The following PREX1 variants were observed in gnomAD, a reference collection of about 807,000 sequenced individuals.
PREX1 encodes the protein phosphatidylinositol-3,4,5-trisphosphate dependent Rac exchange factor 1.
Under a neutral mutation model 198.3 loss-of-function variants are expected in PREX1, and 41 were observed. That is an observed-to-expected ratio of 0.21 (90% CI 0.16 to 0.27). The LOEUF (loss-of-function observed/expected upper bound fraction) is 0.27, where lower values mean the gene tolerates loss of function less well. Ranked by LOEUF, PREX1 falls within the 10% of genes least tolerant of loss-of-function variation. PREX1 has a pLI of 1.00. For missense variants in PREX1, 1,620 were observed against 2,200.7 expected (o/e 0.74, Z 5.28); for synonymous variants, 843 against 887.2 (o/e 0.95, Z 0.89).
intron 1 of PREX1, among the ~76,000 whole-genome samples, chr20:48,779,763 C>T (rs2090280001): frequency 6.6e-6 from 1 of 152,134 alleles, no homozygotes; most frequent in African/African-American, 2.4e-5. Flanking sequence ...TGGTGTACAG[C>T]ATGATTCCAT....
intron 16 of PREX1, among the ~76,000 whole-genome samples, chr20:48,659,596 G>T (rs533897955): frequency 6.6e-6 from 1 of 152,080 alleles, no homozygotes; most frequent in Non-Finnish European, 1.5e-5. Flanking sequence ...CAGGCCACGC[G>T]TTAAGATGGG....
the PREX1 span, among the ~76,000 whole-genome samples, chr20:48,834,741 T>G: frequency 3.3e-5 from 5 of 152,132 alleles, no homozygotes; most frequent in African/African-American, 7.2e-5. Context: ...ATTTTTTTTG[T>G]AGAGATGGGG....
chr20:48,681,875 G>C (rs766040394), intron 10 of PREX1, among the ~76,000 whole-genome samples: 1 of 152,138 alleles, frequency 6.6e-6, no homozygotes, highest in Non-Finnish European at 1.5e-5. Context: ...AGATGGAGTG[G>C]TGGCTGGACA....
chr20:48,864,320 C>A, the PREX1 span, among the ~76,000 whole-genome samples: 1 of 152,184 alleles, frequency 6.6e-6, no homozygotes, highest in Admixed American at 6.5e-5. Context: ...ACAGGAGACA[C>A]CACTGGGAAC....
At chr20:48,627,064 T>C (rs1468799098) in intron 39 of PREX1, among the ~76,000 whole-genome samples, 3 of 152,194 alleles carry the variant, frequency 2.0e-5, no homozygotes, top group Non-Finnish European at 4.4e-5. Flanking sequence ...ATCGCAGGCC[T>C]GGGCCCAGGC....
the PREX1 span, among the ~76,000 whole-genome samples, chr20:48,844,727 T>C: frequency 6.6e-6 from 1 of 152,152 alleles, no homozygotes; most frequent in Non-Finnish European, 1.5e-5. Context: ...GGAACCTGGA[T>C]CCTCAATGCT....
In PREX1 at chr20:48,637,714, T is replaced by C. The variant is rs780482607; in HGVS notation, c.3943A>G (p.Thr1315Ala). 6.2e-7 allele frequency: 1 copy of C among 1,611,158 alleles called. No homozygotes were observed. The highest frequency in any genetic ancestry group is 8.5e-7 in the Non-Finnish European group (1 of 1,178,980). The change falls in exon 31 of 40, where the codon ACA (threonine) becomes GCA (alanine). Residue 1315 changes from threonine to alanine, a missense_variant. Around this residue, in one of 7 missense-constraint regions of PREX1, gnomAD observed 476 missense variants for 603.4 expected, o/e 0.79. Transcript: ENST00000371941. The stretch of plus-strand genomic sequence containing the variant: ...CACACACCTTTAAAGGCCTCACCTG[T>C]GCACTTCAGCAAGGCCAGGAGCAGC... ...NQLLLALLKCTDTELQLRRDA... is the reference protein window; with the variant it reads ...NQLLLALLKCADTELQLRRDA...
At chr20:48,705,676 T>C (rs888153343) in intron 6 of PREX1, among the ~76,000 whole-genome samples, 3 of 152,256 alleles carry the variant, frequency 2.0e-5, no homozygotes, top group African/African-American at 7.2e-5. Context: ...TCATTTTTTC[T>C]AGCTAGAACG....
At chr20:48,797,099 A>G (rs531135208) in intron 1 of PREX1, among the ~76,000 whole-genome samples, 48 of 152,256 alleles carry the variant, frequency 3.2e-4, no homozygotes, top group African/African-American at 1.1e-3. Context: ...TTAAAATTTT[A>G]AAATTTTAAT....
chr20:48,765,170 T>C (rs1001072955), intron 1 of PREX1, among the ~76,000 whole-genome samples: 1 of 152,256 alleles, frequency 6.6e-6, no homozygotes, highest in Non-Finnish European at 1.5e-5. Context: ...CCTAATACTC[T>C]GTTATTATGA....
chr20:48,697,571 T>TG (rs1261000735), intron 7 of PREX1, among the ~76,000 whole-genome samples: 2 of 151,730 alleles, frequency 1.3e-5, no homozygotes, highest in African/African-American at 4.8e-5. Context: ...TTAGTAGAGA[T>TG]GGGGGGGTTT....
At chr20:48,822,928 C>T (rs1395257514) in intron 1 of PREX1, among the ~76,000 whole-genome samples, 1 of 152,158 alleles carries the variant, frequency 6.6e-6, no homozygotes, top group Non-Finnish European at 1.5e-5. Context: ...GACCTGCCCC[C>T]ACCCCAACCA....
intron 1 of PREX1, among the ~76,000 whole-genome samples, chr20:48,759,564 A>AAAG (rs2090170241): frequency 6.6e-6 from 1 of 150,910 alleles, no homozygotes; most frequent in Non-Finnish European, 1.5e-5. Context: ...AAAAAAAAAA[A>AAAG]AAAAGAAAAG....
At chr20:48,746,767 G>A (rs2038177) in intron 2 of PREX1, among the ~76,000 whole-genome samples, 1 of 151,690 alleles carries the variant, frequency 6.6e-6, no homozygotes, top group African/African-American at 2.4e-5. Flanking sequence ...TAAAAAAAAA[G>A]GTAATTTTTT....
chr20:48,687,350 T>C (rs2089791341), intron 10 of PREX1, among the ~76,000 whole-genome samples: 3 of 152,336 alleles, frequency 2.0e-5, no homozygotes, highest in Middle Eastern at 3.4e-3. Context: ...TTCTTCTCCT[T>C]CTCAAAGGAG....
the PREX1 span, among the ~76,000 whole-genome samples, chr20:48,879,991 C>G: frequency 6.6e-6 from 1 of 152,176 alleles, no homozygotes; most frequent in Non-Finnish European, 1.5e-5. Flanking sequence ...TAAAAACTCA[C>G]TCTGCTGGAA....
chr20:48,679,335 T>C (rs759576602), intron 13 of PREX1, 25 bp downstream of exon 13: 23 of 1,600,040 alleles, frequency 1.4e-5, no homozygotes, highest in East Asian at 4.5e-5. Flanking sequence ...AGAGGTGAAA[T>C]TGGAGCTTGG....
At chr20:48,795,081 A>C (rs940776879) in intron 1 of PREX1, among the ~76,000 whole-genome samples, 2 of 152,126 alleles carry the variant, frequency 1.3e-5, no homozygotes, top group African/African-American at 4.8e-5. Context: ...CTGATGTGTC[A>C]TGTATGTATT....
intron 14 of PREX1, among the ~76,000 whole-genome samples, chr20:48,669,341 C>T (rs2089660303): frequency 6.6e-6 from 1 of 152,170 alleles, no homozygotes; most frequent in South Asian, 2.1e-4. Flanking sequence ...TCTCAATAAA[C>T]GCTCACCAGT....
Sources: allele counts gnomAD v4.1 joint callset (sites outside exome capture counted in the v4.1 genomes callset), GRCh38; gene constraint gnomAD v4.1.1; regional missense constraint gnomAD v4.1.1; transcripts MANE v1.5; gene names NCBI Gene and HGNC (gene_info 2026-07-23, HGNC 2026-07-21).